FCHO2: variants seen among roughly 807,000 people sequenced by gnomAD.
The protein encoded by FCHO2 is F-BAR domain only protein 2.
A neutral mutation model predicts 114.1 loss-of-function variants in FCHO2; 43 were observed. The observed-to-expected ratio is 0.38, with a 90% CI of 0.30 to 0.49. The LOEUF (loss-of-function observed/expected upper bound fraction) is 0.49. Among genes scored for constraint, FCHO2 ranks in the 20% least tolerant of loss-of-function variants. The probability of loss-of-function intolerance (pLI) is 0.97; values close to 1 mark genes in which losing one functional copy is unlikely to be tolerated. For missense variants in FCHO2, 807 were observed against 950.4 expected (o/e 0.85, Z 1.98); for synonymous variants, 293 against 315.2 (o/e 0.93, Z 0.75).
chr5:73,045,017 A>G (rs772086796), intron 11 of FCHO2, among the ~76,000 whole-genome samples: 3 of 152,218 alleles, frequency 2.0e-5, no homozygotes, highest in Non-Finnish European at 2.9e-5. Flanking sequence ...AAAAGATAGT[A>G]CACTGAGAAT....
intron 13 of FCHO2, among the ~76,000 whole-genome samples, chr5:73,053,757 G>A (rs188050502): frequency 1.1e-3 from 167 of 151,510 alleles, no homozygotes; most frequent in African/African-American, 3.9e-3. Flanking sequence ...CATTAAAAAT[G>A]TGTGTTATGT....
intron 11 of FCHO2, among the ~76,000 whole-genome samples, chr5:73,044,777 T>G (rs1401786829): frequency 6.6e-6 from 1 of 152,078 alleles, no homozygotes; most frequent in Non-Finnish European, 1.5e-5. Flanking sequence ...TCCATTCTGG[T>G]ATATATTTTT....
At position 73,082,110 on chromosome 5, in the gene FCHO2, G is replaced by T. The variant is rs912535264; in HGVS notation, c.2180+128G>T. ...TTGTGCCTTTTTCCATAGAAACCAC[G>T]CTGTAAAAGATGCAGTTCATTTTAC... On this transcript the variant is annotated intron_variant, in intron 23 of 25. Transcript: ENST00000430046. 1.3e-4 allele frequency: 96 copies of T among 711,360 alleles called. No individual in the cohort carries two copies. The South Asian group carries it at 2.0e-3, about 15-fold the overall frequency. The allele number at this position is 711,360 out of a possible 1,614,324, so 44.1% of individuals were successfully genotyped here.
intron 17 of FCHO2, among the ~76,000 whole-genome samples, chr5:73,061,004 T>TCA (rs201966902): frequency 2.3e-5 from 3 of 127,758 alleles, no homozygotes; most frequent in African/African-American, 8.4e-5. Flanking sequence ...ACTCTTGTGC[T>TCA]CACAAAAAAA....
chr5:72,958,161 A>T (rs927589450), intron 1 of FCHO2, among the ~76,000 whole-genome samples: 1 of 151,764 alleles, frequency 6.6e-6, no homozygotes, highest in African/African-American at 2.4e-5. Context: ...GAAGTAACTC[A>T]TAAGTTTTTA....
intron 9 of FCHO2, 112 bp from the exon 10 acceptor site, chr5:73,037,031 A>T: frequency 1.8e-6 from 1 of 570,522 alleles, no homozygotes; most frequent in Non-Finnish European, 2.9e-6. Context: ...ATCCACATTT[A>T]GCATCAGCAG....
chr5:73,075,623 G>A (rs1391839227), intron 20 of FCHO2, among the ~76,000 whole-genome samples: 3 of 152,250 alleles, frequency 2.0e-5, no homozygotes, highest in Admixed American at 6.5e-5. Flanking sequence ...AGCGCTGGTT[G>A]CTGTATGGAG....
At chr5:72,987,137 A>G (rs1208847448) in intron 2 of FCHO2, among the ~76,000 whole-genome samples, 1 of 151,750 alleles carries the variant, frequency 6.6e-6, no homozygotes, top group Admixed American at 6.6e-5. Context: ...CAGCCTCCCA[A>G]AGTGCTGGGA....
intron 24 of FCHO2, among the ~76,000 whole-genome samples, chr5:73,087,100 G>A (rs1743336876): frequency 6.6e-6 from 1 of 152,130 alleles, no homozygotes; most frequent in African/African-American, 2.4e-5. Flanking sequence ...AAACACCTCA[G>A]AAATACCTAC....
rs745689601 is a variant in FCHO2 at position 73,077,363 on chromosome 5, A to G, written c.1717A>G (p.Met573Val). 1.1e-5 allele frequency: 17 copies of G among 1,583,630 alleles called. No individual in the cohort carries two copies. The highest frequency in any genetic ancestry group is 1.5e-5 in the Non-Finnish European group (17 of 1,163,268). The change falls in exon 21 of 26, where the codon ATG becomes GTG. Residue 573 changes from methionine (M) to valine (V), a missense_variant. Coordinates refer to ENST00000430046, the MANE Select transcript of FCHO2 (RefSeq NM_138782.3). ...TKCIVKITGD[M>V]TMSFPSGIIK... ...GTGTATTGTGAAGATCACTGGTGAT[A>G]TGACAATGTCATTTCCAAGTGGAAT...
At chr5:72,973,108 A>G (rs891719590) in intron 2 of FCHO2, among the ~76,000 whole-genome samples, 39 of 152,124 alleles carry the variant, frequency 2.6e-4, no homozygotes, top group Non-Finnish European at 5.6e-4. Context: ...GTTTGCCAGT[A>G]TTTTATTGAG....
chr5:72,959,003 G>A lies in FCHO2; in HGVS notation c.33+2874G>A, dbSNP rs183714429. Among the ~76,000 whole-genome samples the A allele has an allele frequency of 2.1e-3, 323 of 152,248 alleles. 1 individual carries two copies. The highest frequency in any genetic ancestry group is 0.01 in the Middle Eastern group (3 of 294). ...TCTTGGGTATTCTTGTTACAAGAGG[G>A]ATGGGAATAAACTTCAATATTTGAA... On this transcript the variant is annotated intron_variant, in intron 1 of 25. Coordinates refer to ENST00000430046, the MANE Select transcript of FCHO2 (RefSeq NM_138782.3).
chr5:72,999,118 T>C (rs1197023555), intron 5 of FCHO2, among the ~76,000 whole-genome samples: 1 of 152,104 alleles, frequency 6.6e-6, no homozygotes, highest in Non-Finnish European at 1.5e-5. Context: ...GATGGACTAC[T>C]CAGAGGAAGG....
At chr5:72,970,354 G>A (rs963576336) in intron 2 of FCHO2, among the ~76,000 whole-genome samples, 1 of 152,156 alleles carries the variant, frequency 6.6e-6, no homozygotes, top group Non-Finnish European at 1.5e-5. Context: ...TGAATTACAG[G>A]CTGCTCCTTA....
At chr5:73,018,036 C>G (rs1314424179) in intron 8 of FCHO2, among the ~76,000 whole-genome samples, 1 of 152,100 alleles carries the variant, frequency 6.6e-6, no homozygotes, top group Non-Finnish European at 1.5e-5. Flanking sequence ...CATGTTCTTG[C>G]AAGATACATG....
In FCHO2 at chr5:73,058,522, C is replaced by T; in HGVS notation, c.1343C>T (p.Ser448Leu). 1.6e-6 allele frequency: 2 copies of T among 1,249,940 alleles called. No homozygotes were observed. Among genetic ancestry groups the T allele is most frequent in the Non-Finnish European group, 2.3e-6 (2 of 878,002 alleles). 77.4% of individuals were successfully genotyped at this position (1,249,940 alleles called of 1,614,324 possible). The change falls in exon 17 of 26, where the codon TCA (serine) becomes TTA (leucine). Residue 448 changes from serine (S) to leucine (L), a missense_variant and splice_region_variant. Ser to Leu is a moderately radical substitution (Grantham distance 145, BLOSUM62 -2). Transcript: ENST00000430046. ...TCATCTTCACTAACTTCATCATCAT[C>T]AGGTAAATATATATATGTATATATG... ...SSSSSLTSSS[S>L]ARPTTPLSVG...
chr5:73,023,995 C>A (rs1209551490), intron 8 of FCHO2, among the ~76,000 whole-genome samples: 1 of 152,118 alleles, frequency 6.6e-6, no homozygotes, highest in East Asian at 1.9e-4. Flanking sequence ...TTAGGAATTA[C>A]CTTTAAGCTC....
chr5:72,956,061 GGGCGCGGACGCGGAACCC>G lies in FCHO2; in HGVS notation c.-28_-11del, dbSNP rs1751510713. 1.3e-6 allele frequency: 2 copies of G among 1,538,878 alleles called. No individual in the cohort carries two copies. The stretch of plus-strand genomic sequence containing the variant: ...GGGCCGTGTTTACACAGCGGCGGGC[GGGCGCGGACGCGGAACCC>G]GGCGCGGCGGCGGCACGATGGTCAT... On this transcript the variant is annotated 5_prime_UTR_variant, in exon 1 of 26. Transcript: ENST00000430046.
chr5:72,996,316 C>G (rs922589559), intron 5 of FCHO2, among the ~76,000 whole-genome samples: 1 of 150,064 alleles, frequency 6.7e-6, no homozygotes, highest in Non-Finnish European at 1.5e-5. Context: ...ATAAATATTA[C>G]TCTTGCAAAG....
Sources: gnomAD v4.1 joint callset for allele counts (sites outside exome capture counted in the v4.1 genomes callset) on GRCh38, gnomAD v4.1.1 for gene constraint, MANE v1.5 for transcripts, NCBI Gene and HGNC (gene_info 2026-07-23, HGNC 2026-07-21) for gene names.